RCBTB1: variants seen among roughly 807,000 people sequenced by gnomAD.
The protein encoded by RCBTB1 is RCC1 and BTB domain-containing protein 1.
A neutral mutation model predicts 62.4 loss-of-function variants in RCBTB1; 46 were observed. The observed-to-expected ratio is 0.74, with a 90% CI of 0.58 to 0.94. RCBTB1 has a LOEUF of 0.94. Among genes scored for constraint, RCBTB1 ranks in the 40% least tolerant of loss-of-function variants. The probability of loss-of-function intolerance (pLI) is 0.00; values close to 1 mark genes in which losing one functional copy is unlikely to be tolerated. For missense variants in RCBTB1, 565 were observed against 654.9 expected (o/e 0.86, Z 1.50); for synonymous variants, 222 against 245.8 (o/e 0.90, Z 0.91).
intron 2 of RCBTB1, among the ~76,000 whole-genome samples, chr13:49,569,093 G>A (rs1377333733): frequency 6.6e-6 from 1 of 152,000 alleles, no homozygotes; most frequent in East Asian, 1.9e-4. Flanking sequence ...TGGCAGAGTC[G>A]GGATCTGCAC....
At chr13:49,573,949 A>C (rs1963590828) in intron 2 of RCBTB1, among the ~76,000 whole-genome samples, 1 of 146,864 alleles carries the variant, frequency 6.8e-6, no homozygotes. Flanking sequence ...ATGCCTAGCT[A>C]ATCTTTGTAT....
chr13:49,582,528 G>A (rs915318904), intron 1 of RCBTB1, among the ~76,000 whole-genome samples: 10 of 152,134 alleles, frequency 6.6e-5, no homozygotes, highest in African/African-American at 2.4e-4. Context: ...AGAAACTGTA[G>A]AAAGGAGCAA....
chr13:49,556,201 T>G (rs1961849142), intron 5 of RCBTB1, among the ~76,000 whole-genome samples: 2 of 150,808 alleles, frequency 1.3e-5, no homozygotes, highest in African/African-American at 2.4e-5. Context: ...CTTTGGTTTT[T>G]TTTTTTTTTT....
chr13:49,573,806 C>G (rs927605501), intron 2 of RCBTB1, among the ~76,000 whole-genome samples: 1 of 122,704 alleles, frequency 8.1e-6, no homozygotes, highest in Non-Finnish European at 1.7e-5. Context: ...TTTTTTGAGA[C>G]AGAGCCTCGC....
chr13:49,567,961 T>A (rs1042807289), intron 2 of RCBTB1, among the ~76,000 whole-genome samples: 1 of 151,988 alleles, frequency 6.6e-6, no homozygotes, highest in African/African-American at 2.4e-5. Flanking sequence ...GAGTAATACA[T>A]GAAAATGGGA....
chr13:49,560,007 C>A lies in RCBTB1; in HGVS notation c.355G>T (p.Val119Phe), dbSNP rs374135653. The A allele has an allele frequency of 1.9e-6, 3 of 1,614,152 alleles. No individual in the cohort carries two copies. The highest frequency in any genetic ancestry group is 1.1e-5 in the South Asian group (1 of 91,074). Residue 119 changes from valine to phenylalanine, a missense_variant, in exon 5 of 13, where the codon GTC becomes TTC. Transcript: ENST00000378302. ...NGTTNQGIAP[V>F]QVCTNLLIKQ... ...ATCAAGAGATTGGTACAGACCTGGACGGGAGCAATGCCTTGGTTGGTCGTC... is the reference window on the plus strand; with the variant it reads ...ATCAAGAGATTGGTACAGACCTGGAAGGGAGCAATGCCTTGGTTGGTCGTC...
chr13:49,576,334 T>C (rs1452086249), intron 2 of RCBTB1, among the ~76,000 whole-genome samples: 1 of 152,092 alleles, frequency 6.6e-6, no homozygotes, highest in Non-Finnish European at 1.5e-5. Context: ...TTACACTATA[T>C]ACCTTTTACC....
chr13:49,544,400 C>T (rs9568243), intron 10 of RCBTB1, among the ~76,000 whole-genome samples: 36,862 of 151,980 alleles, frequency 0.24, 5,746 homozygotes, highest in African/African-American at 0.44. Context: ...ACCCGGGAGG[C>T]AGAGGTTGCG....
chr13:49,567,281 A>T lies in RCBTB1; in HGVS notation c.-2T>A. On this transcript the variant is annotated 5_prime_UTR_variant, in exon 3 of 13. Transcript: ENST00000378302. ...GGGCCACTTTCCGACATCCACCATG[A>T]CTCTGGCTTCAAGCAATTCCTATAA... The T allele has an allele frequency of 5.6e-6, 9 of 1,613,800 alleles. No homozygotes were observed. Among genetic ancestry groups the T allele is most frequent in the Non-Finnish European group, 7.6e-6 (9 of 1,179,934 alleles).
intron 2 of RCBTB1, among the ~76,000 whole-genome samples, chr13:49,578,669 C>T (rs1431929570): frequency 6.6e-6 from 1 of 152,152 alleles, no homozygotes; most frequent in Non-Finnish European, 1.5e-5. Context: ...AAACTAGTGA[C>T]AACTATATAA....
At chr13:49,547,128 T>C in intron 9 of RCBTB1, 1 of 1,283,068 alleles carries the variant, frequency 7.8e-7, no homozygotes, top group South Asian at 1.2e-5. Context: ...TCTGGCCAAA[T>C]AGTCCCATTC....
intron 1 of RCBTB1, among the ~76,000 whole-genome samples, chr13:49,584,984 G>A (rs1964311905): frequency 1.3e-5 from 2 of 152,130 alleles, no homozygotes; most frequent in Admixed American, 1.3e-4. Flanking sequence ...GTGTCGGAAA[G>A]GGAAACGATA....
Position 49,552,085 on chromosome 13 carries a change from A to G in RCBTB1, c.711+93T>C, listed in dbSNP as rs556039611. 136 of 805,258 alleles carry G rather than the reference A, an allele frequency of 1.7e-4. No individual in the cohort carries two copies. The African/African-American group carries it at 1.9e-3, about 11-fold the overall frequency. 49.9% of individuals were successfully genotyped at this position (805,258 alleles called of 1,614,324 possible). On this transcript the variant is annotated intron_variant, in intron 7 of 12. Transcript: ENST00000378302. ...ATGAAGGCACAGAGTATTGCCAGAA[A>G]AGACTGACTGAAGAGTAAACCTCCA... is the stretch of plus-strand genomic sequence containing the variant.
chr13:49,552,283 T>C lies in RCBTB1; in HGVS notation c.606A>G (p.Val202=). ...CGTTGCCATTGTAACCCCAGCCATATACCTTAGAGAGGACAGAAGGGAGAG... is the reference window on the plus strand; with the variant it reads ...CGTTGCCATTGTAACCCCAGCCATACACCTTAGAGAGGACAGAAGGGAGAG... ...SSMAVLDNGE[V]YGWGYNGNGQ... Residue 202 remains valine (V), a splice_region_variant and synonymous_variant, in exon 7 of 13, where the codon GTA becomes GTG. Coordinates refer to ENST00000378302, the MANE Select transcript of RCBTB1 (RefSeq NM_018191.4). 6.3e-7 allele frequency: 1 copy of C among 1,591,230 alleles called. No homozygotes were observed. Among genetic ancestry groups the C allele is most frequent in the Non-Finnish European group, 8.6e-7 (1 of 1,164,568 alleles).
Position 49,566,668 on chromosome 13 carries a change from A to C in RCBTB1, c.227T>G (p.Ile76Ser). Residue 76 changes from isoleucine to serine, a missense_variant, in exon 4 of 13, where the codon ATT becomes AGT. Transcript: ENST00000378302. ...KKLEGLCGKKIKSLSYGSGPH... is the reference protein window; with the variant it reads ...KKLEGLCGKKSKSLSYGSGPH... ...TCCACTCCCGTAACTGAGGCTTTTA[A>C]TCTTCTTTCCACATAAGCCTTCTAG... is the stretch of plus-strand genomic sequence containing the variant. 6.2e-7 allele frequency: 1 copy of C among 1,614,164 alleles called. No individual in the cohort carries two copies. The highest frequency in any genetic ancestry group is 8.5e-7 in the Non-Finnish European group (1 of 1,180,008).
At chr13:49,584,048 T>C (rs1341872877) in intron 1 of RCBTB1, among the ~76,000 whole-genome samples, 1 of 152,190 alleles carries the variant, frequency 6.6e-6, no homozygotes, top group Non-Finnish European at 1.5e-5. Flanking sequence ...TACCCCACAA[T>C]GACTCCCAGG....
intron 10 of RCBTB1, 22 bp from the exon 11 acceptor site, chr13:49,541,849 C>CT: frequency 6.4e-7 from 1 of 1,574,586 alleles, no homozygotes; most frequent in Middle Eastern, 1.8e-4. Flanking sequence ...AAGCAAAAGT[C>CT]TTATTTGTTC....
rs561735487 is a variant in RCBTB1, at chr13:49,573,690, TC to T, written c.-41-6371del. Among the ~76,000 whole-genome samples the T allele has an allele frequency of 2.3e-3, 344 of 152,032 alleles. 1 individual carries two copies. Among genetic ancestry groups the T allele is most frequent in the Middle Eastern group, 6.8e-3 (2 of 294 alleles). On this transcript the variant is annotated intron_variant, in intron 2 of 12. Coordinates refer to ENST00000378302, the MANE Select transcript of RCBTB1 (RefSeq NM_018191.4). The stretch of plus-strand genomic sequence containing the variant: ...GTCTCAAACTCCCGACCTCAAGTGA[TC>T]CACCTACCTCGGCCTCCCAAAGTGC...
At position 49,542,756 on chromosome 13, in the gene RCBTB1, T is replaced by C. The variant is rs529161590; in HGVS notation, c.1173-929A>G. 1.9e-3 allele frequency among the ~76,000 whole-genome samples: 289 copies of C among 152,110 alleles called. 1 individual carries two copies. Among genetic ancestry groups the C allele is most frequent in the Non-Finnish European group, 3.3e-3 (223 of 67,970 alleles). ...CCCCTTCCTCTCTTCCCAGGCCTGC[T>C]ACAAGCTTATTTATAAAACACTCAC... is the stretch of plus-strand genomic sequence containing the variant. On this transcript the variant is annotated intron_variant, in intron 10 of 12. Transcript: ENST00000378302.
Sources: gnomAD v4.1 joint callset for allele counts (sites outside exome capture counted in the v4.1 genomes callset) on GRCh38, gnomAD v4.1.1 for gene constraint, MANE v1.5 for transcripts, NCBI Gene and HGNC (gene_info 2026-07-23, HGNC 2026-07-21) for gene names.